SEMA6D: variants seen among roughly 807,000 people sequenced by gnomAD.
SEMA6D encodes the protein semaphorin 6D.
Under a neutral mutation model 106.6 loss-of-function variants are expected in SEMA6D, and 35 were observed. The ratio of observed to expected loss-of-function variants is 0.33; its 90% confidence interval spans 0.25 to 0.44. The LOEUF (loss-of-function observed/expected upper bound fraction) is 0.44, where lower values mean the gene tolerates loss of function less well. SEMA6D is among the 20% of genes least tolerant of loss of function. The pLI, the probability that SEMA6D is intolerant of heterozygous loss-of-function variation, is 1.00. For synonymous variants in SEMA6D, 499 were observed against 487.7 expected (o/e 1.02, Z -0.31); for missense variants, 1,185 against 1,345.9 (o/e 0.88, Z 1.87).
At chr15:47,366,334 T>C (rs2899412) in intron 1 of SEMA6D, among the ~76,000 whole-genome samples, 22,181 of 152,198 alleles carry the variant, frequency 0.15, 1,813 homozygotes, top group East Asian at 0.35. Context: ...CTTCTGGAGT[T>C]GTACAGTGTG....
chr15:47,203,131 C>T (rs1227327663), intron 1 of SEMA6D, among the ~76,000 whole-genome samples: 1 of 152,102 alleles, frequency 6.6e-6, no homozygotes, highest in Non-Finnish European at 1.5e-5. Context: ...TACCACCTTT[C>T]ACTATTAAAA....
intron 4 of SEMA6D, among the ~76,000 whole-genome samples, chr15:47,686,114 T>C (rs1480261169): frequency 1.3e-5 from 2 of 152,228 alleles, no homozygotes; most frequent in African/African-American, 4.8e-5. Flanking sequence ...GATGCATTCC[T>C]GTGCAGTGGC....
At chr15:47,505,012 C>A (rs771132381) in intron 3 of SEMA6D, among the ~76,000 whole-genome samples, 11 of 152,058 alleles carry the variant, frequency 7.2e-5, no homozygotes, top group Non-Finnish European at 1.2e-4. Context: ...CTCGGGCCAC[C>A]CAACAAACTC....
intron 1 of SEMA6D, among the ~76,000 whole-genome samples, chr15:47,344,669 A>C (rs748718843): frequency 2.8e-4 from 42 of 152,194 alleles, no homozygotes; most frequent in Non-Finnish European, 5.3e-4. Context: ...ATCTCTTTTG[A>C]GAATTCAGTT....
chr15:47,216,852 T>C (rs1215196039), intron 1 of SEMA6D, among the ~76,000 whole-genome samples: 1 of 152,144 alleles, frequency 6.6e-6, no homozygotes, highest in Non-Finnish European at 1.5e-5. Context: ...AAATTAGAAA[T>C]TTGCTAATAC....
At chr15:47,349,378 A>G (rs886355448) in intron 1 of SEMA6D, among the ~76,000 whole-genome samples, 1 of 152,186 alleles carries the variant, frequency 6.6e-6, no homozygotes, top group Non-Finnish European at 1.5e-5. Context: ...TTCGTCCTTC[A>G]TGACTCTACA....
At chr15:47,271,096 T>TA (rs2034541908) in intron 1 of SEMA6D, among the ~76,000 whole-genome samples, 1 of 152,178 alleles carries the variant, frequency 6.6e-6, no homozygotes, top group Admixed American at 6.5e-5. Flanking sequence ...TTTAATGAAA[T>TA]ACACAAACCG....
intron 1 of SEMA6D, among the ~76,000 whole-genome samples, chr15:47,354,507 A>ATG (rs2038481122): frequency 6.8e-6 from 1 of 147,052 alleles, no homozygotes; most frequent in Non-Finnish European, 1.5e-5. Flanking sequence ...TTATATATAT[A>ATG]TATGGATATT....
intron 2 of SEMA6D, among the ~76,000 whole-genome samples, chr15:47,458,836 G>A (rs900935501): frequency 6.6e-6 from 1 of 151,668 alleles, no homozygotes; most frequent in African/African-American, 2.4e-5. Flanking sequence ...ATCAAAGTAA[G>A]CAAAAGAAAT....
intron 4 of SEMA6D, among the ~76,000 whole-genome samples, chr15:47,625,748 C>G (rs1003513072): frequency 4.0e-5 from 6 of 151,374 alleles, no homozygotes; most frequent in African/African-American, 9.7e-5. Flanking sequence ...ATATGCACAA[C>G]AAATAGGAAT....
At chr15:47,589,717 C>T (rs1029165911) in intron 3 of SEMA6D, among the ~76,000 whole-genome samples, 21 of 152,180 alleles carry the variant, frequency 1.4e-4, no homozygotes, top group East Asian at 1.9e-4. Flanking sequence ...AGGGATCCCT[C>T]GAGAACAGCA....
chr15:47,378,312 A>G (rs2039519172), intron 1 of SEMA6D, among the ~76,000 whole-genome samples: 2 of 152,180 alleles, frequency 1.3e-5, no homozygotes, highest in African/African-American at 4.8e-5. Flanking sequence ...CCTAGCTAAC[A>G]TGGAGAAACC....
chr15:47,593,860 G>C (rs72735804), intron 3 of SEMA6D, among the ~76,000 whole-genome samples: 26,331 of 152,058 alleles, frequency 0.17, 2,633 homozygotes, highest in African/African-American at 0.25. Context: ...TAAACAACCA[G>C]ATCGCATGAG....
chr15:47,766,105 G>C lies in SEMA6D; in HGVS notation c.1569G>C (p.Lys523Asn), dbSNP rs1167948407. Residue 523 changes from lysine to asparagine, a missense_variant and splice_region_variant, in exon 15 of 19, where the codon AAG becomes AAC. Lys to Asn is a moderately conservative substitution (Grantham distance 94, BLOSUM62 0). Coordinates refer to ENST00000536845, the MANE Select transcript of SEMA6D (RefSeq NM_001358351.3). ...TTACATTCTGTTTGGTTTTACACAGGTCTTGTATTGCATCTCGTGACCCGT... is the reference window on the plus strand; with the variant it reads ...TTACATTCTGTTTGGTTTTACACAGCTCTTGTATTGCATCTCGTGACCCGT... ...SRCERYGSCK[K>N]SCIASRDPYC... 6.2e-7 allele frequency: 1 copy of C among 1,613,634 alleles called. No individual in the cohort carries two copies. Among genetic ancestry groups the C allele is most frequent in the South Asian group, 1.1e-5 (1 of 91,068 alleles).
chr15:47,361,629 G>A (rs1567026057), intron 1 of SEMA6D, among the ~76,000 whole-genome samples: 1 of 152,146 alleles, frequency 6.6e-6, no homozygotes, highest in Non-Finnish European at 1.5e-5. Context: ...CAGTCCCAAT[G>A]TGCTAGCCCA....
intron 1 of SEMA6D, among the ~76,000 whole-genome samples, chr15:47,336,670 T>C (rs1249713423): frequency 6.6e-6 from 1 of 152,026 alleles, no homozygotes; most frequent in African/African-American, 2.4e-5. Flanking sequence ...ATGGAAATGG[T>C]TTATACAGGA....
intron 3 of SEMA6D, among the ~76,000 whole-genome samples, chr15:47,552,830 T>TTTTA (rs1555389636): frequency 2.9e-5 from 2 of 68,424 alleles, no homozygotes; most frequent in Non-Finnish European, 4.6e-5. Context: ...ATATATATTT[T>TTTTA]TATATATATA....
At chr15:47,663,617 C>T (rs979677448) in intron 4 of SEMA6D, among the ~76,000 whole-genome samples, 9 of 152,146 alleles carry the variant, frequency 5.9e-5, no homozygotes, top group Admixed American at 5.9e-4. Context: ...ATAGGGAATA[C>T]AGTGATCATA....
At chr15:47,261,057 A>G (rs1020669316) in intron 1 of SEMA6D, among the ~76,000 whole-genome samples, 14 of 152,232 alleles carry the variant, frequency 9.2e-5, no homozygotes, top group African/African-American at 2.9e-4. Context: ...GCCTCTGGAT[A>G]TTATTTCCAG....
Sources: allele counts gnomAD v4.1 joint callset (sites outside exome capture counted in the v4.1 genomes callset), GRCh38; gene constraint gnomAD v4.1.1; transcripts MANE v1.5; gene names NCBI Gene and HGNC (gene_info 2026-07-23, HGNC 2026-07-21).